ZNF536: variants seen among roughly 807,000 people sequenced by gnomAD.
ZNF536 encodes the protein zinc finger protein 536.
Under a neutral mutation model 84.5 loss-of-function variants are expected in ZNF536, and 13 were observed. The observed-to-expected ratio is 0.15, with a 90% CI of 0.10 to 0.24. The LOEUF (loss-of-function observed/expected upper bound fraction) is 0.24, where lower values mean the gene tolerates loss of function less well. Among genes scored for constraint, ZNF536 ranks in the 10% least tolerant of loss-of-function variants. ZNF536 has a pLI of 1.00. For missense variants in ZNF536, 1,536 were observed against 1,747.5 expected, an observed-to-expected ratio of 0.88 and a Z score of 2.16; for synonymous variants, 811 against 742.5, an observed-to-expected ratio of 1.09 and a Z score of -1.50.
At chr19:30,292,791 T>C (rs189010165) in intron 2 of ZNF536, among the ~76,000 whole-genome samples, 2 of 152,344 alleles carry the variant, frequency 1.3e-5, no homozygotes, top group Non-Finnish European at 2.9e-5. Flanking sequence ...CTTTATTTCT[T>C]ATGTTGAAAT....
At chr19:30,617,778 A>G (rs935597575) in intron 1 of ZNF536, among the ~76,000 whole-genome samples, 1 of 152,140 alleles carries the variant, frequency 6.6e-6, no homozygotes, top group African/African-American at 2.4e-5. Flanking sequence ...AGTAATTTCT[A>G]TCTTTAAAAA....
chr19:30,395,003 T>G (rs1414633600), intron 1 of ZNF536, among the ~76,000 whole-genome samples: 2 of 152,184 alleles, frequency 1.3e-5, no homozygotes, highest in East Asian at 3.9e-4. Context: ...CTCCTGAAAA[T>G]AAATGTAATG....
At chr19:30,674,870 C>A (rs1458740305) in intron 1 of ZNF536, among the ~76,000 whole-genome samples, 6 of 152,116 alleles carry the variant, frequency 3.9e-5, no homozygotes, top group Admixed American at 3.9e-4. Context: ...TTCCAGCCAT[C>A]CCCCTGTGGT....
chr19:30,262,431 C>T (rs2025275779), intron 1 of ZNF536, among the ~76,000 whole-genome samples: 1 of 152,234 alleles, frequency 6.6e-6, no homozygotes, highest in East Asian at 1.9e-4. Context: ...CAGAGGCCAT[C>T]TTCCTTGGTG....
chr19:30,354,554 T>C (rs1052795819), intron 3 of ZNF536, among the ~76,000 whole-genome samples: 2 of 152,124 alleles, frequency 1.3e-5, no homozygotes, highest in African/African-American at 4.8e-5. Context: ...TTTAAAAAAT[T>C]AACTGCCCTG....
At chr19:30,519,085 C>T (rs746268880) in intron 2 of ZNF536, among the ~76,000 whole-genome samples, 14 of 152,216 alleles carry the variant, frequency 9.2e-5, no homozygotes, top group Non-Finnish European at 1.3e-4. Flanking sequence ...GCAGAACGAA[C>T]GGCCTGAGGT....
chr19:30,393,942 A>G (rs1471872681), intron 1 of ZNF536, among the ~76,000 whole-genome samples: 4 of 152,120 alleles, frequency 2.6e-5, no homozygotes, highest in African/African-American at 9.7e-5. Context: ...GGTGGAGGAG[A>G]TAGAGAGAAA....
In ZNF536 at chr19:30,444,154, C is replaced by T. The variant is rs757112692; in HGVS notation, c.592C>T (p.Leu198=). ...GRGRVREENR[L]LHELEERAIL... ...TGGGCGTGTGCGCGAGGAGAACCGC[C>T]TGCTGCACGAGCTGGAGGAGCGCGC... is the stretch of plus-strand genomic sequence containing the variant. Residue 198 remains leucine (L), a synonymous_variant, in exon 2 of 5, where the codon CTG becomes TTG. Coordinates refer to ENST00000355537, the MANE Select transcript of ZNF536 (RefSeq NM_014717.3). 6 of 1,595,810 alleles carry T rather than the reference C, an allele frequency of 3.8e-6. No homozygotes were observed. The highest frequency in any genetic ancestry group is 3.5e-5 in the Admixed American group (2 of 57,764).
intron 1 of ZNF536, among the ~76,000 whole-genome samples, chr19:30,584,425 C>A (rs1312270089): frequency 1.3e-5 from 2 of 152,174 alleles, no homozygotes; most frequent in African/African-American, 4.8e-5. Context: ...AAGTGTGGCT[C>A]CCCCGATGGC....
chr19:30,681,903 G>A (rs1277247880), intron 1 of ZNF536, among the ~76,000 whole-genome samples: 1 of 152,146 alleles, frequency 6.6e-6, no homozygotes, highest in Non-Finnish European at 1.5e-5. Context: ...GGCTCCAACA[G>A]ACGTTAATTG....
At chr19:30,696,840 G>A (rs1250709990) in intron 1 of ZNF536, among the ~76,000 whole-genome samples, 1 of 152,152 alleles carries the variant, frequency 6.6e-6, no homozygotes, top group Non-Finnish European at 1.5e-5. Flanking sequence ...CGACATCTAA[G>A]CTCTTATCCT....
intron 1 of ZNF536, among the ~76,000 whole-genome samples, chr19:30,237,948 C>A (rs1413965705): frequency 6.6e-6 from 1 of 152,156 alleles, no homozygotes; most frequent in East Asian, 1.9e-4. Flanking sequence ...AGTCAGATGG[C>A]ACCAAGTTTG....
intron 2 of ZNF536, among the ~76,000 whole-genome samples, chr19:30,485,491 A>G (rs1024895380): frequency 2.6e-5 from 4 of 152,164 alleles, no homozygotes; most frequent in African/African-American, 4.8e-5. Flanking sequence ...TCCTGTCACT[A>G]TAGATTTACT....
At chr19:30,613,721 C>A (rs373378358) in intron 1 of ZNF536, among the ~76,000 whole-genome samples, 39 of 152,268 alleles carry the variant, frequency 2.6e-4, no homozygotes, top group African/African-American at 8.9e-4. Context: ...TTCTCTTACT[C>A]CAAACTCAGC....
At chr19:30,698,916 T>A (rs893487381) in intron 1 of ZNF536, among the ~76,000 whole-genome samples, 2 of 152,244 alleles carry the variant, frequency 1.3e-5, no homozygotes, top group Non-Finnish European at 2.9e-5. Flanking sequence ...CATTTGTCAA[T>A]CCTTCCCCCT....
intron 1 of ZNF536, among the ~76,000 whole-genome samples, chr19:30,425,897 G>A (rs1304352628): frequency 2.0e-5 from 3 of 152,244 alleles, no homozygotes; most frequent in African/African-American, 7.2e-5. Flanking sequence ...GTCCATGCAG[G>A]CATCTGTAGT....
chr19:30,493,747 G>A (rs1216530303), intron 2 of ZNF536, among the ~76,000 whole-genome samples: 2 of 152,180 alleles, frequency 1.3e-5, no homozygotes, highest in South Asian at 2.1e-4. Flanking sequence ...GGTCTCTCAC[G>A]TTCCACTTAG....
intron 1 of ZNF536, among the ~76,000 whole-genome samples, chr19:30,626,345 A>G (rs996938280): frequency 2.0e-5 from 3 of 151,418 alleles, no homozygotes; most frequent in African/African-American, 7.3e-5. Context: ...TTAAAATAAG[A>G]TTTTCTGGGG....
intron 2 of ZNF536, among the ~76,000 whole-genome samples, chr19:30,479,563 T>A (rs191718622): frequency 6.6e-6 from 1 of 152,364 alleles, no homozygotes; most frequent in Admixed American, 6.5e-5. Flanking sequence ...CATTTTCCCC[T>A]TGGCCTGGTG....
Sources: allele counts gnomAD v4.1 joint callset (sites outside exome capture counted in the v4.1 genomes callset), GRCh38; gene constraint gnomAD v4.1.1; transcripts MANE v1.5; gene names NCBI Gene and HGNC (gene_info 2026-07-23, HGNC 2026-07-21).